The following LSAMP variants were observed in gnomAD, a reference collection of about 807,000 sequenced individuals.
LSAMP encodes limbic system-associated membrane protein.
Under a neutral mutation model 38.6 loss-of-function variants are expected in LSAMP, and 7 were observed. The observed-to-expected ratio is 0.18, with a 90% CI of 0.10 to 0.34. LSAMP has a LOEUF of 0.34. LSAMP is among the 10% of genes least tolerant of loss of function. LSAMP has a pLI of 1.00. For synonymous variants in LSAMP, 154 were observed against 166.8 expected (o/e 0.92, Z 0.59); for missense variants, 313 against 420.0 (o/e 0.75, Z 2.23).
intron 1 of LSAMP, among the ~76,000 whole-genome samples, chr3:116,108,335 A>G (rs1192009779): frequency 1.3e-5 from 2 of 152,164 alleles, no homozygotes; most frequent in Non-Finnish European, 2.9e-5. Flanking sequence ...AGGAGTGCTT[A>G]AAAGAGTACT....
chr3:116,366,875 C>T (rs1320950148), intron 1 of LSAMP, among the ~76,000 whole-genome samples: 1 of 152,142 alleles, frequency 6.6e-6, no homozygotes, highest in Non-Finnish European at 1.5e-5. Flanking sequence ...CACATTCCCT[C>T]CCATCCCACA....
At chr3:116,208,819 C>T (rs549790704) in intron 1 of LSAMP, among the ~76,000 whole-genome samples, 12 of 152,302 alleles carry the variant, frequency 7.9e-5, no homozygotes, top group African/African-American at 2.4e-4. Context: ...CAGACAGGGA[C>T]ATTTAAGTTT....
intron 2 of LSAMP, among the ~76,000 whole-genome samples, chr3:116,021,871 CA>C (rs1283205712): frequency 6.6e-6 from 1 of 151,792 alleles, no homozygotes; most frequent in African/African-American, 2.4e-5. Flanking sequence ...CATGTCACAC[CA>C]GTTAAGCCAC....
chr3:116,089,154 C>T (rs2107427261), intron 1 of LSAMP, among the ~76,000 whole-genome samples: 1 of 152,194 alleles, frequency 6.6e-6, no homozygotes, highest in Admixed American at 6.5e-5. Flanking sequence ...TCTATCTTAC[C>T]TAAAGAAGTA....
At chr3:116,146,577 C>A (rs1041958793) in intron 1 of LSAMP, among the ~76,000 whole-genome samples, 4 of 151,770 alleles carry the variant, frequency 2.6e-5, no homozygotes, top group Non-Finnish European at 5.9e-5. Context: ...ATCACCATAC[C>A]AGCACACCAA....
In LSAMP at chr3:116,439,316, G is replaced by GTTT. The variant is rs775235925; in HGVS notation, c.155+5560_155+5561insAAA. 1.7e-3 allele frequency among the ~76,000 whole-genome samples: 240 copies of GTTT among 143,052 alleles called. 2 individuals are homozygous for GTTT. The highest frequency in any genetic ancestry group is 6.4e-3 in the South Asian group (29 of 4,554). 93.8% of individuals were successfully genotyped at this position (143,052 alleles called of 152,430 possible). ...CCTCCAGCATAGGTCCTGAGATTTT[G>GTTT]TTGTTTTTTTTTTTTAATGCAACTA... On this transcript the variant is annotated intron_variant, in intron 1 of 6. Coordinates refer to ENST00000490035, the MANE Select transcript of LSAMP (RefSeq NM_002338.5).
intron 3 of LSAMP, among the ~76,000 whole-genome samples, chr3:115,928,222 T>A (rs1937522383): frequency 6.6e-6 from 1 of 152,230 alleles, no homozygotes; most frequent in African/African-American, 2.4e-5. Flanking sequence ...TTTTACTTTT[T>A]ACTTTAGCTT....
chr3:115,895,087 T>C (rs939527790), intron 3 of LSAMP, among the ~76,000 whole-genome samples: 3 of 152,032 alleles, frequency 2.0e-5, no homozygotes, highest in African/African-American at 7.2e-5. Context: ...TGTTAAAAAA[T>C]TCTTGCTATG....
intron 3 of LSAMP, among the ~76,000 whole-genome samples, chr3:115,972,140 C>G (rs1939039485): frequency 6.6e-6 from 1 of 152,002 alleles, no homozygotes; most frequent in African/African-American, 2.4e-5. Flanking sequence ...ACTCCTTATT[C>G]TATGAACAAG....
At chr3:116,075,016 AAT>A (rs1707705440) in intron 2 of LSAMP, among the ~76,000 whole-genome samples, 1 of 151,340 alleles carries the variant, frequency 6.6e-6, no homozygotes, top group Non-Finnish European at 1.5e-5. Context: ...TTGTATTTTT[AAT>A]AGAGACATGG....
intron 1 of LSAMP, among the ~76,000 whole-genome samples, chr3:116,285,146 G>A (rs952087043): frequency 2.0e-5 from 3 of 152,050 alleles, no homozygotes; most frequent in African/African-American, 7.2e-5. Flanking sequence ...GCTCCAAATT[G>A]GCTGAGTGGT....
chr3:116,180,364 T>C (rs1234701180), intron 1 of LSAMP, among the ~76,000 whole-genome samples: 1 of 98,016 alleles, frequency 1.0e-5, no homozygotes, highest in Non-Finnish European at 2.1e-5. Context: ...ATTTGGATTT[T>C]TTTATCCCAG....
chr3:115,849,467 T>C (rs3772969), intron 4 of LSAMP, among the ~76,000 whole-genome samples: 54,317 of 151,794 alleles, frequency 0.36, 10,232 homozygotes, highest in African/African-American at 0.47. Flanking sequence ...AGAAAGTTAA[T>C]AGCCCTGAGA....
intron 3 of LSAMP, among the ~76,000 whole-genome samples, chr3:115,930,958 T>C (rs1450733596): frequency 6.6e-6 from 1 of 152,210 alleles, no homozygotes; most frequent in Non-Finnish European, 1.5e-5. Flanking sequence ...ACATAAATTG[T>C]TTGAAAAGAA....
chr3:115,873,583 G>A (rs1936105585), intron 3 of LSAMP, among the ~76,000 whole-genome samples: 1 of 151,904 alleles, frequency 6.6e-6, no homozygotes. Context: ...TGTTCATTTT[G>A]TTTTACAAAA....
At chr3:116,419,727 G>A (rs2049097639) in intron 1 of LSAMP, among the ~76,000 whole-genome samples, 1 of 152,128 alleles carries the variant, frequency 6.6e-6, no homozygotes, top group Non-Finnish European at 1.5e-5. Context: ...AAAGCAAAAT[G>A]AACCAACTTG....
At chr3:116,186,991 T>G (rs1710634211) in intron 1 of LSAMP, among the ~76,000 whole-genome samples, 1 of 152,106 alleles carries the variant, frequency 6.6e-6, no homozygotes, top group Admixed American at 6.6e-5. Context: ...GTGATGTGTA[T>G]GTAGTAATGC....
intron 1 of LSAMP, among the ~76,000 whole-genome samples, chr3:116,411,613 C>T (rs1458846364): frequency 9.3e-6 from 1 of 107,980 alleles, no homozygotes; most frequent in African/African-American, 3.7e-5. Flanking sequence ...ACATCTCACT[C>T]TGGGGACTGT....
At chr3:116,406,591 ATCT>A (rs1274139011) in intron 1 of LSAMP, among the ~76,000 whole-genome samples, 11 of 152,016 alleles carry the variant, frequency 7.2e-5, no homozygotes, top group African/African-American at 1.9e-4. Flanking sequence ...TTTTCTTTGC[ATCT>A]TCTTCTCATC....
Sources: allele counts gnomAD v4.1 joint callset (sites outside exome capture counted in the v4.1 genomes callset), GRCh38; gene constraint gnomAD v4.1.1; transcripts MANE v1.5; gene names NCBI Gene and HGNC (gene_info 2026-07-23, HGNC 2026-07-21).